The following PGBD1 variants were observed in gnomAD, a reference collection of about 807,000 sequenced individuals.
PGBD1 encodes piggyBac transposable element-derived protein 1.
A neutral mutation model predicts 34.7 loss-of-function variants in PGBD1; 25 were observed. The ratio of observed to expected loss-of-function variants is 0.72; its 90% CI spans 0.52 to 1.00. PGBD1 has a LOEUF of 1.00. PGBD1 is among the 50% of genes least tolerant of loss of function. The pLI is 0.00. For synonymous variants in PGBD1, 292 were observed against 335.7 expected, an observed-to-expected ratio of 0.87 and a Z score of 1.42; for missense variants, 830 against 959.4, an observed-to-expected ratio of 0.87 and a Z score of 1.78.
rs777359420 is a variant in PGBD1, at chr6:28,301,278, G to A, written c.1424G>A (p.Arg475Lys). 1.4e-5 allele frequency: 23 copies of A among 1,614,072 alleles called. No homozygotes were observed. The highest frequency in any genetic ancestry group is 1.9e-5 in the Non-Finnish European group (22 of 1,180,016). ...AGTGGATTTATGAGGCATCCTAGAA[G>A]GGAAATGTATTGGGAAGTCTCTGAC... ...LLSGFMRHPRREMYWEVSDTD... is the reference protein window; with the variant it reads ...LLSGFMRHPRKEMYWEVSDTD... The change falls in exon 7 of 7, where the codon AGG (arginine) becomes AAG (lysine). Residue 475 changes from arginine (R) to lysine (K), a missense_variant. Arg to Lys is a conservative substitution (Grantham distance 26). This residue lies in a region of PGBD1 where 372 missense variants were observed against 427.9 expected (regional missense o/e 0.87). Coordinates refer to ENST00000682144, the MANE Select transcript of PGBD1 (RefSeq NM_032507.4).
chr6:28,287,437 T>G (rs1371640076), intron 4 of PGBD1, among the ~76,000 whole-genome samples: 1 of 152,230 alleles, frequency 6.6e-6, no homozygotes, highest in African/African-American at 2.4e-5. Flanking sequence ...GTGAGGCTCC[T>G]GGTTTCAGAA....
rs777053444 is a variant in PGBD1 at position 28,301,136 on chromosome 6, G to C, written c.1282G>C (p.Asp428His). 6.2e-7 allele frequency: 1 copy of C among 1,614,046 alleles called. No individual in the cohort carries two copies. Among genetic ancestry groups the C allele is most frequent in the Non-Finnish European group, 8.5e-7 (1 of 1,180,004 alleles). The change falls in exon 7 of 7, where the codon GAT (aspartate) becomes CAT (histidine). Residue 428 changes from aspartate (D) to histidine (H), a missense_variant. This residue lies in a region of PGBD1 where 457 missense variants were observed against 515.4 expected (regional missense o/e 0.89). Transcript: ENST00000682144. ...NPVELFELFFDDETFNLIVNE... is the reference protein window; with the variant it reads ...NPVELFELFFHDETFNLIVNE... Reference sequence around the variant, plus strand: ...AGTAGAGCTTTTTGAATTATTTTTTGATGATGAAACATTCAACTTAATTGT... The same window carrying C: ...AGTAGAGCTTTTTGAATTATTTTTTCATGATGAAACATTCAACTTAATTGT...
intron 4 of PGBD1, among the ~76,000 whole-genome samples, chr6:28,289,027 A>T (rs1181148626): frequency 3.9e-5 from 6 of 152,104 alleles, no homozygotes; most frequent in African/African-American, 1.4e-4. Context: ...ATAAATTTTA[A>T]AAATAGAGAA....
intron 6 of PGBD1, 33 bp downstream of exon 6, chr6:28,298,024 C>T: frequency 7.1e-7 from 1 of 1,403,796 alleles, no homozygotes; most frequent in Non-Finnish European, 1.0e-6. Context: ...GAATCAAATC[C>T]TGCAGATATA....
rs746572603 is a variant in PGBD1 at position 28,301,302 on chromosome 6, A to G, written c.1448A>G (p.Asp483Gly). The change falls in exon 7 of 7, where the codon GAC becomes GGC. Residue 483 changes from aspartate to glycine, a missense_variant. Physicochemically the swap from Asp to Gly is moderately conservative, Grantham distance 94. Transcript: ENST00000682144. ...PRREMYWEVSDTDQNLVRDAI... is the reference protein window; with the variant it reads ...PRREMYWEVSGTDQNLVRDAI... ...AGGGAAATGTATTGGGAAGTCTCTG[A>G]CACCGATCAGAACCTGGTTAGAGAT... 1 of 1,614,172 alleles carries G rather than the reference A, an allele frequency of 6.2e-7. No individual in the cohort carries two copies. Among genetic ancestry groups the G allele is most frequent in the Non-Finnish European group, 8.5e-7 (1 of 1,180,042 alleles).
chr6:28,300,889 A>C lies in PGBD1; in HGVS notation c.1035A>C (p.Lys345Asn), dbSNP rs1762811683. 9 of 1,614,176 alleles carry C rather than the reference A, an allele frequency of 5.6e-6. No individual in the cohort carries two copies. The highest frequency in any genetic ancestry group is 7.6e-6 in the Non-Finnish European group (9 of 1,180,036). ...AGDITRKGRK[K>N]DKARVSELLQ... ...ACATTACCCGAAAAGGGAGAAAAAA[A>C]GACAAAGCTCGAGTGAGTGAACTGC... Residue 345 changes from lysine to asparagine, a missense_variant, in exon 7 of 7, where the codon AAA (lysine) becomes AAC (asparagine). Lys to Asn is a moderately conservative substitution (Grantham distance 94). Transcript: ENST00000682144. The surrounding 1 kb of genome is among the most constrained non-coding windows in gnomAD (Gnocchi z 4.0).
rs778982703 is a variant in PGBD1 at position 28,284,250 on chromosome 6, G to C, written c.396+41G>C. 11 of 1,451,818 alleles carry C rather than the reference G, an allele frequency of 7.6e-6. No individual in the cohort carries two copies. The African/African-American group carries it at 1.4e-4, about 19-fold the overall frequency. 89.9% of individuals were successfully genotyped at this position (1,451,818 alleles called of 1,614,324 possible). A position where few individuals can be genotyped will look rare whatever the true frequency, so the allele number is the denominator to read the frequency against. On this transcript the variant is annotated intron_variant, in intron 2 of 6. Coordinates refer to ENST00000682144, the MANE Select transcript of PGBD1 (RefSeq NM_032507.4). ...GTGTGGTGATGTGGGAGAAGAAAAG[G>C]GGGACATGTATCGGTTTATTTTTAA...
At chr6:28,282,877 G>A (rs940456249) in intron 1 of PGBD1, among the ~76,000 whole-genome samples, 3 of 152,014 alleles carry the variant, frequency 2.0e-5, no homozygotes, top group Non-Finnish European at 2.9e-5. Flanking sequence ...AGATCACAAA[G>A]GAAAAAATGA....
Position 28,302,342 on chromosome 6 carries a change from A to G in PGBD1, c.*58A>G. 6.6e-7 allele frequency: 1 copy of G among 1,510,342 alleles called. No individual in the cohort carries two copies. Among genetic ancestry groups the G allele is most frequent in the Non-Finnish European group, 8.9e-7 (1 of 1,120,048 alleles). The allele number at this position is 1,510,342 out of a possible 1,614,324, so 93.6% of individuals were successfully genotyped here. A position where few individuals can be genotyped will look rare whatever the true frequency, so the allele number is the denominator to read the frequency against. On this transcript the variant is annotated 3_prime_UTR_variant, in exon 7 of 7. Coordinates refer to ENST00000682144, the MANE Select transcript of PGBD1 (RefSeq NM_032507.4). ...TAAGACATAGAAAAATAATAATTAT[A>G]CATGCTGTTGTACCCTCCCAAAGTA... is the stretch of plus-strand genomic sequence containing the variant.
chr6:28,284,920 C>T (rs1170568104), intron 2 of PGBD1, among the ~76,000 whole-genome samples: 1 of 152,148 alleles, frequency 6.6e-6, no homozygotes, highest in Non-Finnish European at 1.5e-5. Context: ...ATCATATAAC[C>T]TTAGTCCTTA....
chr6:28,291,728 A>G (rs114972842), intron 4 of PGBD1, among the ~76,000 whole-genome samples: 3,333 of 152,274 alleles, frequency 0.022, 49 homozygotes, highest in Non-Finnish European at 0.032. Context: ...ACTGAATTCA[A>G]CAACACATTA....
Position 28,302,441 on chromosome 6 carries a change from A to G in PGBD1, c.*157A>G, listed in dbSNP as rs951399300. 24 of 771,086 alleles carry G rather than the reference A, an allele frequency of 3.1e-5. No individual in the cohort carries two copies. The highest frequency in any genetic ancestry group is 4.1e-5 in the Non-Finnish European group (21 of 515,936). 47.8% of individuals were successfully genotyped at this position (771,086 alleles called of 1,614,324 possible). A position where few individuals can be genotyped will look rare whatever the true frequency, so the allele number is the denominator to read the frequency against. ...ACATTTATATAGAGTTTCAAAGACT[A>G]TTGTAACAAGTAATGTTAAAAATTG... On this transcript the variant is annotated 3_prime_UTR_variant, in exon 7 of 7. Coordinates refer to ENST00000682144, the MANE Select transcript of PGBD1 (RefSeq NM_032507.4).
intron 5 of PGBD1, among the ~76,000 whole-genome samples, chr6:28,297,419 C>G (rs544977298): frequency 6.6e-6 from 1 of 152,196 alleles, no homozygotes; most frequent in African/African-American, 2.4e-5. Flanking sequence ...CTTTGTTGCC[C>G]ATGCTGGAGC....
At position 28,300,830 on chromosome 6, in the gene PGBD1, A is replaced by T. The variant is rs1762807244; in HGVS notation, c.976A>T (p.Met326Leu). 2 of 1,614,014 alleles carry T rather than the reference A, an allele frequency of 1.2e-6. No individual in the cohort carries two copies. The highest frequency in any genetic ancestry group is 1.7e-6 in the Non-Finnish European group (2 of 1,180,032). Reference protein sequence around the residue: ...DRHPGDLWARMHISSLEYAAG... With the variant: ...DRHPGDLWARLHISSLEYAAG... ...TCACCCAGGTGATTTGTGGGCCCGC[A>T]TGCACATCTCATCCCTGGAATATGC... Residue 326 changes from methionine (M) to leucine (L), a missense_variant, in exon 7 of 7, where the codon ATG (methionine) becomes TTG (leucine). Coordinates refer to ENST00000682144, the MANE Select transcript of PGBD1 (RefSeq NM_032507.4). The surrounding 1 kb of genome is among the most constrained non-coding windows in gnomAD (Gnocchi z 4.0).
rs576402143 is a variant in PGBD1 at position 28,283,700 on chromosome 6, A to C, written c.-38-76A>C. The C allele has an allele frequency of 2.2e-4, 293 of 1,322,592 alleles. 4 individuals are homozygous for C. In the South Asian group the frequency reaches 3.9e-3, roughly 17 times the overall value. 81.9% of individuals were successfully genotyped at this position (1,322,592 alleles called of 1,614,324 possible). A position where few individuals can be genotyped will look rare whatever the true frequency, so the allele number is the denominator to read the frequency against. On this transcript the variant is annotated intron_variant, in intron 1 of 6. Transcript: ENST00000682144. ...GGGGACAAAAATGTAAGTAGGTTACATACAGTTTTGAAGCTCTTATAATTT... is the reference window on the plus strand; with the variant it reads ...GGGGACAAAAATGTAAGTAGGTTACCTACAGTTTTGAAGCTCTTATAATTT...
At chr6:28,295,151 G>A (rs1762589225) in intron 4 of PGBD1, among the ~76,000 whole-genome samples, 1 of 152,212 alleles carries the variant, frequency 6.6e-6, no homozygotes, top group Non-Finnish European at 1.5e-5. Flanking sequence ...AGCTGCAGAT[G>A]TGGTGGAAAG....
Position 28,300,604 on chromosome 6 carries a change from T to G in PGBD1, c.870-120T>G. ...CCTCCCCATGGAAACTTAAGAGAAA[T>G]AAGTAAGTATCCCCCCACACCCACC... On this transcript the variant is annotated intron_variant, in intron 6 of 6. Coordinates refer to ENST00000682144, the MANE Select transcript of PGBD1 (RefSeq NM_032507.4). The surrounding 1 kb of genome is among the most constrained non-coding windows in gnomAD (Gnocchi z 4.0). 1 of 1,167,654 alleles carries G rather than the reference T, an allele frequency of 8.6e-7. No individual in the cohort carries two copies. The highest frequency in any genetic ancestry group is 1.2e-6 in the Non-Finnish European group (1 of 848,716). 72.3% of individuals were successfully genotyped at this position (1,167,654 alleles called of 1,614,324 possible).
At position 28,301,653 on chromosome 6, in the gene PGBD1, T is replaced by A; in HGVS notation, c.1799T>A (p.Leu600His). ...ATGAAGGTAGATGAGGATCCTGATCTTGGGTTAGGTGGAAATCTAGTGATG... is the reference window on the plus strand; with the variant it reads ...ATGAAGGTAGATGAGGATCCTGATCATGGGTTAGGTGGAAATCTAGTGATG... Reference protein sequence around the residue: ...STMKVDEDPDLGLGGNLVMNF... With the variant: ...STMKVDEDPDHGLGGNLVMNF... Residue 600 changes from leucine (L) to histidine (H), a missense_variant, in exon 7 of 7, where the codon CTT (leucine) becomes CAT (histidine). Physicochemically the swap from Leu to His is moderately conservative, Grantham distance 99. Coordinates refer to ENST00000682144, the MANE Select transcript of PGBD1 (RefSeq NM_032507.4). The A allele has an allele frequency of 6.2e-7, 1 of 1,614,168 alleles. No individual in the cohort carries two copies. Among genetic ancestry groups the A allele is most frequent in the Middle Eastern group, 1.6e-4 (1 of 6,062 alleles).
chr6:28,299,406 A>G (rs1762753662), intron 6 of PGBD1, among the ~76,000 whole-genome samples: 1 of 147,870 alleles, frequency 6.8e-6, no homozygotes, highest in Admixed American at 6.9e-5. Context: ...CCCTCACAAT[A>G]TTGGGCTTAA....
Sources: gnomAD v4.1 joint callset for allele counts (sites outside exome capture counted in the v4.1 genomes callset) on GRCh38, gnomAD v4.1.1 for gene constraint, gnomAD v4.1.1 regional missense constraint, Gnocchi (gnomAD v3.1) non-coding constraint, MANE v1.5 for transcripts, NCBI Gene and HGNC (gene_info 2026-07-23, HGNC 2026-07-21) for gene names.